The following B3GALNT2 variants were observed in gnomAD, a reference collection of about 807,000 sequenced individuals.
The protein encoded by B3GALNT2 is beta-1,3-N-acetylgalactosaminyltransferase 2, also known as UDP-GalNAc:beta-1,3-N-acetylgalactosaminyltransferase 2.
Under a neutral mutation model 61.1 loss-of-function variants are expected in B3GALNT2, and 53 were observed. The observed-to-expected ratio is 0.87, with a 90% CI of 0.70 to 1.09. The LOEUF (loss-of-function observed/expected upper bound fraction) is 1.09. Among genes scored for constraint, B3GALNT2 ranks in the 50% least tolerant of loss-of-function variants. The pLI is 0.00. For missense variants in B3GALNT2, 544 were observed against 623.0 expected, an observed-to-expected ratio of 0.87 and a Z score of 1.35; for synonymous variants, 223 against 237.4, an observed-to-expected ratio of 0.94 and a Z score of 0.56.
chr1:235,469,493 G>A (rs1372316228), intron 6 of B3GALNT2, among the ~76,000 whole-genome samples: 2 of 152,128 alleles, frequency 1.3e-5, no homozygotes, highest in African/African-American at 4.8e-5. Context: ...AAATATGAGA[G>A]TCAGAAATCC....
chr1:235,442,056 G>C, the B3GALNT2 span, among the ~76,000 whole-genome samples: 447 of 149,602 alleles, frequency 3.0e-3, 1 homozygote, highest in African/African-American at 9.7e-3. Context: ...CTCCCAGGCT[G>C]GAGTGCAGTG....
intron 11 of B3GALNT2, chr1:235,452,308 T>C (rs1029273806): frequency 6.6e-6 from 1 of 152,184 alleles, no homozygotes; most frequent in African/African-American, 2.4e-5. Context: ...TAATTTCTGA[T>C]CAAATCTATG....
At chr1:235,474,045 G>A (rs1684125600) in intron 5 of B3GALNT2, among the ~76,000 whole-genome samples, 1 of 152,120 alleles carries the variant, frequency 6.6e-6, no homozygotes, top group Non-Finnish European at 1.5e-5. Flanking sequence ...CTTACTCATG[G>A]AACTTAAATA....
intron 4 of B3GALNT2, among the ~76,000 whole-genome samples, chr1:235,480,623 A>G (rs959617264): frequency 8.6e-5 from 13 of 152,010 alleles, no homozygotes; most frequent in African/African-American, 2.9e-4. Context: ...AGAGGACTGG[A>G]GCCAGGTGCA....
intron 11 of B3GALNT2, 168 bp from the exon 12 acceptor site, chr1:235,450,508 T>C (rs1178137922): frequency 2.2e-5 from 16 of 735,694 alleles, no homozygotes; most frequent in Non-Finnish European, 3.0e-5. Flanking sequence ...ACCTCCTGAT[T>C]TGGGAAAGCA....
At chr1:235,443,622 C>T (rs562495636), downstream of B3GALNT2, among the ~76,000 whole-genome samples, 2 of 152,322 alleles carry the variant, frequency 1.3e-5, no homozygotes, top group South Asian at 2.1e-4. Flanking sequence ...GGGTCTGCTT[C>T]TCATCCCTTC....
intron 2 of B3GALNT2, among the ~76,000 whole-genome samples, chr1:235,491,084 TAA>T (rs34246434): frequency 7.6e-4 from 105 of 138,902 alleles, no homozygotes; most frequent in African/African-American, 2.4e-3. Context: ...AGTGAATAGT[TAA>T]AAAAAAAAAA....
intron 7 of B3GALNT2, chr1:235,464,857 TA>T (rs1247012863): frequency 1.3e-5 from 2 of 152,178 alleles, no homozygotes; most frequent in African/African-American, 2.4e-5. Context: ...GAAATACGAA[TA>T]AAAATCACAA....
At chr1:235,501,046 T>C (rs1572569009) in intron 1 of B3GALNT2, among the ~76,000 whole-genome samples, 1 of 152,194 alleles carries the variant, frequency 6.6e-6, no homozygotes, top group South Asian at 2.1e-4. Context: ...CAAGTACTTG[T>C]TGAGTGAATA....
At chr1:235,450,814 T>TAA (rs34729832) in intron 11 of B3GALNT2, 1 of 153,404 alleles carries the variant, frequency 6.5e-6, no homozygotes, top group African/African-American at 2.4e-5. Flanking sequence ...AACGAAGAGT[T>TAA]AAAAAACTTG....
At chr1:235,446,760 C>T (rs377343653), downstream of B3GALNT2, among the ~76,000 whole-genome samples, 31 of 150,204 alleles carry the variant, frequency 2.1e-4, no homozygotes, top group African/African-American at 5.4e-4. Flanking sequence ...TACAGTGGCG[C>T]GATCATGGCT....
At chr1:235,487,175 A>G (rs1436607832) in intron 3 of B3GALNT2, among the ~76,000 whole-genome samples, 1 of 151,870 alleles carries the variant, frequency 6.6e-6, no homozygotes, top group Non-Finnish European at 1.5e-5. Context: ...AAAAAAAAAA[A>G]AGACAAGACT....
chr1:235,446,006 AAATT>A (rs1228939423), downstream of B3GALNT2, among the ~76,000 whole-genome samples: 2 of 152,150 alleles, frequency 1.3e-5, no homozygotes, highest in Admixed American at 6.5e-5. Context: ...AAAATAAAAT[AAATT>A]GAGTTCTTCA....
intron 1 of B3GALNT2, among the ~76,000 whole-genome samples, chr1:235,497,103 C>T (rs972102114): frequency 5.3e-5 from 8 of 152,110 alleles, no homozygotes; most frequent in African/African-American, 1.7e-4. Flanking sequence ...TAACTCATAG[C>T]TCAGAACATT....
intron 6 of B3GALNT2, among the ~76,000 whole-genome samples, chr1:235,468,747 G>A (rs1034613047): frequency 1.3e-5 from 2 of 151,986 alleles, no homozygotes. Flanking sequence ...CACCGCGCCC[G>A]GCCAATTTAT....
intron 4 of B3GALNT2, among the ~76,000 whole-genome samples, chr1:235,480,944 A>C (rs1363799578): frequency 2.3e-5 from 3 of 129,796 alleles, no homozygotes; most frequent in Non-Finnish European, 4.9e-5. Flanking sequence ...AAAAAAAAAA[A>C]ACCGGACTGA....
intron 6 of B3GALNT2, among the ~76,000 whole-genome samples, chr1:235,469,422 A>G (rs1210096403): frequency 6.6e-6 from 1 of 152,218 alleles, no homozygotes; most frequent in African/African-American, 2.4e-5. Context: ...TTATTGACCT[A>G]TATTTACTTT....
At chr1:235,459,551 AGT>A (rs1289417989) in intron 7 of B3GALNT2, among the ~76,000 whole-genome samples, 1 of 152,182 alleles carries the variant, frequency 6.6e-6, no homozygotes, top group African/African-American at 2.4e-5. Flanking sequence ...GGAGCCCAGG[AGT>A]TCAAGGCTGC....
chr1:235,473,844 G>A (rs1443837722), intron 5 of B3GALNT2, among the ~76,000 whole-genome samples: 1 of 152,144 alleles, frequency 6.6e-6, no homozygotes, highest in Non-Finnish European at 1.5e-5. Flanking sequence ...TAGAAAAGAT[G>A]ATGATAAAAC....
Sources: gnomAD v4.1 joint callset for allele counts (sites outside exome capture counted in the v4.1 genomes callset) on GRCh38, gnomAD v4.1.1 for gene constraint, MANE v1.5 for transcripts, NCBI Gene and HGNC (gene_info 2026-07-23, HGNC 2026-07-21) for gene names.